The following ITPR1 variants were observed in gnomAD, a reference collection of about 807,000 sequenced individuals.
ITPR1 encodes the protein inositol 1,4,5-trisphosphate receptor type 1, also known as inositol 1,4,5-trisphosphate-gated calcium channel ITPR1.
ITPR1 carries 96 observed loss-of-function variants against 318.4 expected under a neutral mutation model. The ratio of observed to expected loss-of-function variants is 0.30; its 90% confidence interval spans 0.26 to 0.36. ITPR1 has a LOEUF of 0.36. Among genes scored for constraint, ITPR1 ranks in the 10% least tolerant of loss-of-function variants. The pLI is 1.00. For synonymous variants in ITPR1, 1,312 were observed against 1,289.9 expected, an observed-to-expected ratio of 1.02 and a Z score of -0.37; for missense variants, 2,440 against 3,460.2, an observed-to-expected ratio of 0.71 and a Z score of 7.40.
intron 4 of ITPR1, among the ~76,000 whole-genome samples, chr3:4,557,076 A>C (rs903400395): frequency 6.6e-6 from 1 of 152,176 alleles, no homozygotes; most frequent in African/African-American, 2.4e-5. Flanking sequence ...TGATGACTTG[A>C]GCCCAGAATC....
intron 12 of ITPR1, among the ~76,000 whole-genome samples, chr3:4,655,402 A>G (rs1039299587): frequency 6.6e-6 from 1 of 152,070 alleles, no homozygotes; most frequent in African/African-American, 2.4e-5. Context: ...ATGGTGCAGG[A>G]GGAAGAGTGC....
rs76231210 is a variant in ITPR1, at chr3:4,792,031, G to A, written c.6809-3034G>A. On this transcript the variant is annotated intron_variant, in intron 52 of 61. Coordinates refer to ENST00000649015, the MANE Select transcript of ITPR1 (RefSeq NM_001378452.1). ...TTGATAGGGCTGTGTTCCTTCTGAA[G>A]GCCATATCCTTTTCCAGCTGCTAGA... Among the ~76,000 whole-genome samples, 32 of 152,294 alleles carry A rather than the reference G, an allele frequency of 2.1e-4. No individual in the cohort carries two copies. In the East Asian group the frequency reaches 3.7e-3, roughly 17 times the overall value.
intron 46 of ITPR1, among the ~76,000 whole-genome samples, chr3:4,769,146 C>A (rs748253659): frequency 5.3e-5 from 8 of 152,066 alleles, no homozygotes; most frequent in African/African-American, 9.7e-5. Context: ...GTGATCCCCC[C>A]ACCTTGGCCT....
chr3:4,781,193 T>C (rs1293324229), intron 49 of ITPR1, among the ~76,000 whole-genome samples: 11 of 152,216 alleles, frequency 7.2e-5, no homozygotes. Flanking sequence ...TTGGTGTCAG[T>C]GCTGACATAC....
chr3:4,574,065 G>A (rs917516173), intron 4 of ITPR1, among the ~76,000 whole-genome samples: 6 of 152,292 alleles, frequency 3.9e-5, no homozygotes, highest in East Asian at 1.9e-4. Context: ...TACACATGGC[G>A]CCTTAGGTGG....
rs1404784872 is a variant in ITPR1, at chr3:4,818,092, A to G, written c.7878A>G (p.Arg2626=). The G allele has an allele frequency of 3.8e-6, 6 of 1,599,908 alleles. No individual in the cohort carries two copies. The highest frequency in any genetic ancestry group is 3.4e-5 in the South Asian group (3 of 89,398). Residue 2626 remains arginine, a synonymous_variant, in exon 60 of 62, where the codon AGA becomes AGG. Coordinates refer to ENST00000649015, the MANE Select transcript of ITPR1 (RefSeq NM_001378452.1). ...TTGTCTCATTTTTAGGCTTGGAAAG[A>G]GACAAGTTTGACAACAAGACTGTCA... is the stretch of plus-strand genomic sequence containing the variant. ...KTTCFICGLE[R]DKFDNKTVTF...
At chr3:4,714,987 A>G (rs1574980959) in intron 39 of ITPR1, among the ~76,000 whole-genome samples, 1 of 152,138 alleles carries the variant, frequency 6.6e-6, no homozygotes, top group Non-Finnish European at 1.5e-5. Context: ...ACATTGATCG[A>G]CCTCTTGTCA....
At chr3:4,726,418 G>A (rs868584236) in intron 41 of ITPR1, among the ~76,000 whole-genome samples, 2 of 152,038 alleles carry the variant, frequency 1.3e-5, no homozygotes, top group African/African-American at 4.8e-5. Context: ...ACTAAGGTCT[G>A]TAAGATCATA....
At chr3:4,754,528 A>G (rs2044806993) in intron 44 of ITPR1, among the ~76,000 whole-genome samples, 1 of 152,284 alleles carries the variant, frequency 6.6e-6, no homozygotes, top group African/African-American at 2.4e-5. Context: ...TCATTGAATC[A>G]TAGAACCAGC....
At chr3:4,665,007 T>C (rs1231334615) in intron 16 of ITPR1, 131 bp from the exon 17 acceptor site, 3 of 881,426 alleles carry the variant, frequency 3.4e-6, no homozygotes, top group Non-Finnish European at 5.5e-6. Context: ...GTGTTCAGGT[T>C]ATGGATGTGT....
At chr3:4,792,699 G>A (rs2047648854) in intron 52 of ITPR1, among the ~76,000 whole-genome samples, 1 of 152,166 alleles carries the variant, frequency 6.6e-6, no homozygotes, top group Admixed American at 6.5e-5. Flanking sequence ...ATGAGACAGA[G>A]GGAGAGGGAG....
chr3:4,695,792 A>G (rs901509189), intron 33 of ITPR1, among the ~76,000 whole-genome samples: 1 of 152,250 alleles, frequency 6.6e-6, no homozygotes, highest in African/African-American at 2.4e-5. Context: ...TTGTGGCACC[A>G]TGATAGGTTT....
intron 49 of ITPR1, among the ~76,000 whole-genome samples, chr3:4,780,641 C>G (rs981256714): frequency 6.6e-6 from 1 of 152,140 alleles, no homozygotes; most frequent in Non-Finnish European, 1.5e-5. Context: ...GCAAAAGTCC[C>G]TTTATGTATG....
chr3:4,701,981 T>G (rs772581774), intron 35 of ITPR1, among the ~76,000 whole-genome samples: 2 of 152,230 alleles, frequency 1.3e-5, no homozygotes, highest in Non-Finnish European at 2.9e-5. Context: ...TAACTTCCGC[T>G]GTTTTTAGAG....
rs768429769 is a variant in ITPR1, at chr3:4,652,283, G to A, written c.951+65G>A. The A allele has an allele frequency of 4.8e-4, 542 of 1,130,498 alleles. 3 individuals are homozygous for A. Among genetic ancestry groups the A allele is most frequent in the Middle Eastern group, 7.9e-4 (4 of 5,092 alleles). 70.0% of individuals were successfully genotyped at this position (1,130,498 alleles called of 1,614,324 possible). ...CGCACCTCACCGCCTTTCCTCATTC[G>A]CCTGTAGCCGTCGTGTTGTAAAAGG... is the stretch of plus-strand genomic sequence containing the variant. On this transcript the variant is annotated intron_variant, in intron 11 of 61. Coordinates refer to ENST00000649015, the MANE Select transcript of ITPR1 (RefSeq NM_001378452.1).
chr3:4,628,636 A>G (rs981921193), intron 5 of ITPR1, among the ~76,000 whole-genome samples: 1 of 152,180 alleles, frequency 6.6e-6, no homozygotes, highest in African/African-American at 2.4e-5. Context: ...TCTCCCCGTC[A>G]TGTAACATCA....
intron 4 of ITPR1, among the ~76,000 whole-genome samples, chr3:4,558,175 G>C (rs78145907): frequency 0.072 from 10,955 of 152,142 alleles, 534 homozygotes; most frequent in Non-Finnish European, 0.1. Flanking sequence ...AGATGTAGGG[G>C]GAGAATCTTA....
At chr3:4,531,228 T>G (rs1053756028) in intron 4 of ITPR1, among the ~76,000 whole-genome samples, 4 of 152,186 alleles carry the variant, frequency 2.6e-5, no homozygotes, top group Admixed American at 1.3e-4. Context: ...GCTTCTGATG[T>G]CCTAGGTTCC....
intron 59 of ITPR1, among the ~76,000 whole-genome samples, chr3:4,815,809 A>C (rs1559946450): frequency 6.6e-6 from 1 of 152,166 alleles, no homozygotes; most frequent in African/African-American, 2.4e-5. Context: ...CTAAAAAAAA[A>C]GATCAGTTTC....
Sources: gnomAD v4.1 joint callset for allele counts (sites outside exome capture counted in the v4.1 genomes callset) on GRCh38, gnomAD v4.1.1 for gene constraint, MANE v1.5 for transcripts, NCBI Gene and HGNC (gene_info 2026-07-23, HGNC 2026-07-21) for gene names.